The following LARGE1 variants were observed in gnomAD, a reference collection of about 807,000 sequenced individuals.
LARGE1 encodes the protein xylosyl- and glucuronyltransferase LARGE1.
Under a neutral mutation model 87.6 loss-of-function variants are expected in LARGE1, and 43 were observed. The ratio of observed to expected loss-of-function variants is 0.49; its 90% CI spans 0.38 to 0.63. The LOEUF (loss-of-function observed/expected upper bound fraction) is 0.63. Among genes scored for constraint, LARGE1 ranks in the 30% least tolerant of loss-of-function variants. The probability of loss-of-function intolerance (pLI) is 0.00; values close to 1 mark genes in which losing one functional copy is unlikely to be tolerated. For missense variants in LARGE1, 802 were observed against 1,000.2 expected (o/e 0.80, Z 2.67); for synonymous variants, 434 against 394.6 (o/e 1.10, Z -1.18).
intron 2 of LARGE1, among the ~76,000 whole-genome samples, chr22:33,712,596 A>G (rs1479328272): frequency 6.6e-6 from 1 of 151,386 alleles, no homozygotes; most frequent in Non-Finnish European, 1.5e-5. Context: ...GGAGGAAACA[A>G]ACAGTAATTA....
intron 6 of LARGE1, among the ~76,000 whole-genome samples, chr22:33,484,200 C>T (rs1602058819): frequency 6.6e-6 from 1 of 152,148 alleles, no homozygotes; most frequent in East Asian, 1.9e-4. Flanking sequence ...GTTCCTCTCA[C>T]TTCATCACAC....
intron 7 of LARGE1, among the ~76,000 whole-genome samples, chr22:33,423,901 C>G (rs1338233560): frequency 6.6e-6 from 1 of 152,130 alleles, no homozygotes; most frequent in Non-Finnish European, 1.5e-5. Context: ...ATAAAACTCA[C>G]TAGACCAATA....
At chr22:33,498,087 G>A (rs1312750838) in intron 6 of LARGE1, among the ~76,000 whole-genome samples, 1 of 152,102 alleles carries the variant, frequency 6.6e-6, no homozygotes, top group African/African-American at 2.4e-5. Context: ...GTTTCGGCAT[G>A]TTGGTTAGGC....
the LARGE1 span, among the ~76,000 whole-genome samples, chr22:33,087,165 ACT>A: frequency 6.7e-6 from 1 of 150,306 alleles, no homozygotes; most frequent in Non-Finnish European, 1.5e-5. Flanking sequence ...GCTTTCTTCC[ACT>A]CTCTTATTTT....
chr22:33,278,687 C>T (rs1450028456), intron 13 of LARGE1, among the ~76,000 whole-genome samples: 5 of 152,040 alleles, frequency 3.3e-5, no homozygotes, highest in African/African-American at 1.2e-4. Flanking sequence ...TGCTCAAAGG[C>T]CAGGAGCCTC....
At chr22:33,189,014 T>C (rs1256716087) in intron 11 of LARGE1, among the ~76,000 whole-genome samples, 1 of 151,914 alleles carries the variant, frequency 6.6e-6, no homozygotes, top group Non-Finnish European at 1.5e-5. Context: ...TCAGCCAGGG[T>C]TGGGTGCCCA....
intron 1 of LARGE1, among the ~76,000 whole-genome samples, chr22:33,825,465 G>C (rs536978670): frequency 2.0e-5 from 3 of 151,792 alleles, no homozygotes; most frequent in South Asian, 4.2e-4. Context: ...TGGCTGGGGA[G>C]GCCTCAGGAA....
At chr22:33,829,486 C>T (rs547054979) in intron 1 of LARGE1, among the ~76,000 whole-genome samples, 3 of 152,282 alleles carry the variant, frequency 2.0e-5, no homozygotes, top group South Asian at 2.1e-4. Flanking sequence ...GGCTTTGCTT[C>T]GCTCATTCCT....
intron 2 of LARGE1, among the ~76,000 whole-genome samples, chr22:33,748,690 A>G (rs2084195139): frequency 6.6e-6 from 1 of 152,236 alleles, no homozygotes; most frequent in Admixed American, 6.5e-5. Context: ...GAAAGTGATT[A>G]AACTCTGCAT....
chr22:33,796,654 A>G (rs2085993742), intron 1 of LARGE1, among the ~76,000 whole-genome samples: 1 of 152,300 alleles, frequency 6.6e-6, no homozygotes, highest in Non-Finnish European at 1.5e-5. Flanking sequence ...GAAACTGCAG[A>G]AAGAAAACAG....
chr22:33,842,594 C>T (rs1455556880), intron 1 of LARGE1, among the ~76,000 whole-genome samples: 2 of 152,152 alleles, frequency 1.3e-5, no homozygotes, highest in Admixed American at 6.5e-5. Flanking sequence ...CAAAACCTGA[C>T]GCGTGCAGGT....
chr22:33,434,920 A>C (rs1486869564), intron 6 of LARGE1, among the ~76,000 whole-genome samples: 2 of 152,040 alleles, frequency 1.3e-5, no homozygotes, highest in Non-Finnish European at 2.9e-5. Context: ...CCCAAGTCTG[A>C]ACTATTACTT....
chr22:33,917,479 T>C (rs2065821426), intron 1 of LARGE1, among the ~76,000 whole-genome samples: 1 of 152,314 alleles, frequency 6.6e-6, no homozygotes, highest in Middle Eastern at 3.4e-3. Flanking sequence ...TCTCTAAGTA[T>C]ACGGAATGTA....
In LARGE1 at chr22:33,695,900, A is replaced by C. The variant is rs183906881; in HGVS notation, c.107-45232T>G. ...TCTCTGACAATATCTGCATCCTCCC[A>C]CCATAGGCAATCCCTTATTGATTAA... On this transcript the variant is annotated intron_variant, in intron 2 of 14. Transcript: ENST00000397394. 9.9e-4 allele frequency among the ~76,000 whole-genome samples: 151 copies of C among 152,274 alleles called. 1 individual carries two copies. Among genetic ancestry groups the C allele is most frequent in the South Asian group, 2.7e-3 (13 of 4,824 alleles).
At chr22:33,192,745 A>C (rs1340278541) in intron 11 of LARGE1, among the ~76,000 whole-genome samples, 1 of 152,146 alleles carries the variant, frequency 6.6e-6, no homozygotes, top group African/African-American at 2.4e-5. Flanking sequence ...ATCTTTCCCC[A>C]GATTAATGTC....
intron 7 of LARGE1, among the ~76,000 whole-genome samples, chr22:33,396,463 C>CAGAGAGAGAGAGAGAGAG (rs3071529): frequency 0.02 from 2,051 of 104,634 alleles, 161 homozygotes; most frequent in African/African-American, 0.066. Context: ...GAGAGAGTGA[C>CAGAGAGAGAGAGAGAGAG]AGAGAGAGAG....
intron 1 of LARGE1, among the ~76,000 whole-genome samples, chr22:33,912,234 G>C (rs188591555): frequency 6.6e-6 from 1 of 152,162 alleles, no homozygotes; most frequent in African/African-American, 2.4e-5. Context: ...GGATGGCTTC[G>C]AGTTAGCCGC....
At chr22:33,884,811 CA>C (rs2064798659) in intron 1 of LARGE1, among the ~76,000 whole-genome samples, 1 of 152,162 alleles carries the variant, frequency 6.6e-6, no homozygotes, top group Non-Finnish European at 1.5e-5. Flanking sequence ...CCTGATGGCA[CA>C]AATCAACCTC....
In LARGE1 at chr22:33,614,493, A is replaced by T. The variant is rs146920073; in HGVS notation, c.492-9935T>A. ...CCCAGCCTCTCGCATGGAGCAAAAA[A>T]GACCTTCAACGATCTCACCCTATCT... On this transcript the variant is annotated intron_variant, in intron 4 of 14. Coordinates refer to ENST00000397394, the MANE Select transcript of LARGE1 (RefSeq NM_133642.5). 9.2e-5 allele frequency among the ~76,000 whole-genome samples: 14 copies of T among 152,240 alleles called. No individual in the cohort carries two copies. In the East Asian group the frequency reaches 2.1e-3, roughly 23 times the overall value.
Sources: gnomAD v4.1 joint callset for allele counts (sites outside exome capture counted in the v4.1 genomes callset) on GRCh38, gnomAD v4.1.1 for gene constraint, MANE v1.5 for transcripts, NCBI Gene and HGNC (gene_info 2026-07-23, HGNC 2026-07-21) for gene names.